AFF1: variants seen among roughly 807,000 people sequenced by gnomAD.
The protein encoded by AFF1 is AF4/FMR2 family member 1.
A neutral mutation model predicts 121.7 loss-of-function variants in AFF1; 48 were observed. The ratio of observed to expected loss-of-function variants is 0.39; its 90% CI spans 0.31 to 0.50. The LOEUF (loss-of-function observed/expected upper bound fraction) is 0.50, where lower values mean the gene tolerates loss of function less well. Ranked by LOEUF, AFF1 falls within the 20% of genes least tolerant of loss-of-function variation. The probability of loss-of-function intolerance (pLI) is 0.76; values close to 1 mark genes in which losing one functional copy is unlikely to be tolerated. For synonymous variants in AFF1, 613 were observed against 563.0 expected, an observed-to-expected ratio of 1.09 and a Z score of -1.26; for missense variants, 1,523 against 1,511.7, an observed-to-expected ratio of 1.01 and a Z score of -0.12.
chr4:87,075,449 C>T (rs1399948071), intron 4 of AFF1, among the ~76,000 whole-genome samples: 1 of 152,046 alleles, frequency 6.6e-6, no homozygotes, highest in Non-Finnish European at 1.5e-5. Flanking sequence ...ATTAAATGAA[C>T]TGGGGTGCCA....
Position 86,969,476 on chromosome 4 carries a change from C to T in AFF1, c.38+20905C>T, listed in dbSNP as rs181003276. Among the ~76,000 whole-genome samples, 169 of 151,180 alleles carry T rather than the reference C, an allele frequency of 1.1e-3. 1 individual carries two copies. The highest frequency in any genetic ancestry group is 2.0e-3 in the Non-Finnish European group (138 of 67,916). ...CCTGGGCAACAGAGCGAGCTTCCAT[C>T]TCAAAAACAGAACAAAACAAAAAAC... On this transcript the variant is annotated intron_variant, in intron 2 of 20. Coordinates refer to ENST00000395146, the MANE Select transcript of AFF1 (RefSeq NM_001166693.3).
intron 12 of AFF1, among the ~76,000 whole-genome samples, chr4:87,115,857 C>CGCCTCT (rs769763323): frequency 6.6e-6 from 1 of 151,972 alleles, no homozygotes; most frequent in Non-Finnish European, 1.5e-5. Flanking sequence ...GTTATCCACC[C>CGCCTCT]GCCTCTGCCT....
At chr4:86,962,990 A>G (rs538176672) in intron 2 of AFF1, among the ~76,000 whole-genome samples, 5 of 152,126 alleles carry the variant, frequency 3.3e-5, no homozygotes, top group Admixed American at 2.6e-4. Flanking sequence ...ACATGGTGAA[A>G]CATCATCTCT....
At chr4:86,938,949 G>A (rs1720251577) in intron 1 of AFF1, among the ~76,000 whole-genome samples, 1 of 152,224 alleles carries the variant, frequency 6.6e-6, no homozygotes, top group Admixed American at 6.5e-5. Context: ...TCTTGCTAGA[G>A]TGACTTTTTC....
chr4:87,030,808 T>C (rs1438880665), intron 2 of AFF1, among the ~76,000 whole-genome samples: 2 of 152,170 alleles, frequency 1.3e-5, no homozygotes, highest in African/African-American at 4.8e-5. Context: ...GTCCTGGTAC[T>C]CTGTGCAGAC....
intron 2 of AFF1, among the ~76,000 whole-genome samples, chr4:87,013,334 C>G (rs1177129828): frequency 6.6e-6 from 1 of 152,134 alleles, no homozygotes; most frequent in Non-Finnish European, 1.5e-5. Context: ...GCCACCCTGT[C>G]CGGCTGAACT....
intron 2 of AFF1, among the ~76,000 whole-genome samples, chr4:87,027,185 T>G (rs967863387): frequency 9.8e-5 from 15 of 152,322 alleles, no homozygotes; most frequent in South Asian, 6.2e-4. Context: ...ACTTCCCAGG[T>G]GGGAATCTGA....
intron 4 of AFF1, among the ~76,000 whole-genome samples, chr4:87,067,544 A>G (rs1721482756): frequency 6.6e-6 from 1 of 152,190 alleles, no homozygotes; most frequent in Non-Finnish European, 1.5e-5. Flanking sequence ...CAAGATTACA[A>G]ATTCATGCAT....
intron 2 of AFF1, among the ~76,000 whole-genome samples, chr4:87,027,909 C>T (rs1277057131): frequency 6.6e-6 from 1 of 151,082 alleles, no homozygotes; most frequent in African/African-American, 2.4e-5. Context: ...ATTCTCCTGC[C>T]TCAGCCTCCC....
At chr4:87,131,317 A>G in intron 17 of AFF1, 98 bp downstream of exon 17, 4 of 1,474,832 alleles carry the variant, frequency 2.7e-6, no homozygotes, top group Non-Finnish European at 3.7e-6. Flanking sequence ...ATGGCTCAAT[A>G]AAGGGGAGCC....
At chr4:87,067,496 G>A (rs1012095630) in intron 4 of AFF1, among the ~76,000 whole-genome samples, 2 of 152,214 alleles carry the variant, frequency 1.3e-5, no homozygotes, top group Non-Finnish European at 2.9e-5. Flanking sequence ...ACAGTGAGAA[G>A]TGGATTCTAG....
chr4:87,007,545 C>A, intron 2 of AFF1: 1 of 1,324,164 alleles, frequency 7.6e-7, no homozygotes, highest in Non-Finnish European at 1.1e-6. Context: ...ATTGCCTTCT[C>A]ATCATTCCCG....
chr4:87,012,224 T>A lies in AFF1; in HGVS notation c.39-33942T>A, dbSNP rs556887628. Reference sequence around the variant, plus strand: ...AACTTCTCCATTTCATTTCTTGTTTTTTTTTTTTTTTGTATAACTATACAT... The same window carrying A: ...AACTTCTCCATTTCATTTCTTGTTTATTTTTTTTTTTGTATAACTATACAT... On this transcript the variant is annotated intron_variant, in intron 2 of 20. Transcript: ENST00000395146. Among the ~76,000 whole-genome samples, 578 of 128,526 alleles carry A rather than the reference T, an allele frequency of 4.5e-3. 11 individuals are homozygous for A. The highest frequency in any genetic ancestry group is 0.016 in the African/African-American group (542 of 33,586). The allele number at this position is 128,526 out of a possible 152,430, so 84.3% of individuals were successfully genotyped here. A position where few individuals can be genotyped will look rare whatever the true frequency, so the allele number is the denominator to read the frequency against.
chr4:87,018,736 AT>A, intron 2 of AFF1, among the ~76,000 whole-genome samples: 1 of 152,254 alleles, frequency 6.6e-6, no homozygotes, highest in East Asian at 1.9e-4. Flanking sequence ...ATTTATTTTA[AT>A]AAAGGCAAAG....
At chr4:87,068,257 G>GCCCCCCCCC (rs70957204) in intron 4 of AFF1, among the ~76,000 whole-genome samples, 16 of 120,128 alleles carry the variant, frequency 1.3e-4, no homozygotes, top group Admixed American at 2.6e-4. Flanking sequence ...CATGAAAATT[G>GCCCCCCCCC]CCCCCCCCCC....
chr4:87,099,824 A>C (rs1725245071), intron 8 of AFF1, among the ~76,000 whole-genome samples: 1 of 152,248 alleles, frequency 6.6e-6, no homozygotes, highest in South Asian at 2.1e-4. Context: ...GGGATGTGAC[A>C]GTGACAGGGT....
chr4:87,054,146 G>C (rs1369670192), intron 4 of AFF1, among the ~76,000 whole-genome samples: 1 of 152,216 alleles, frequency 6.6e-6, no homozygotes, highest in African/African-American at 2.4e-5. Flanking sequence ...AATCACCTGG[G>C]AAGCCTGATA....
chr4:87,077,227 G>A (rs952532362), intron 4 of AFF1, among the ~76,000 whole-genome samples: 2 of 152,174 alleles, frequency 1.3e-5, no homozygotes, highest in African/African-American at 4.8e-5. Flanking sequence ...ACTGGGCCAG[G>A]CCTTCAGAGC....
rs1381304245 is a variant in AFF1 at position 87,141,001 on chromosome 4, T to TA, written c.*5307dup. The TA allele has an allele frequency of 5.6e-6, 1 of 178,820 alleles. No individual in the cohort carries two copies. The highest frequency in any genetic ancestry group is 9.3e-5 in the East Asian group (1 of 10,706). 11.1% of individuals were successfully genotyped at this position (178,820 alleles called of 1,614,324 possible). On this transcript the variant is annotated 3_prime_UTR_variant, in exon 21 of 21. Coordinates refer to ENST00000395146, the MANE Select transcript of AFF1 (RefSeq NM_001166693.3). ...TCCTTTTCATAAGAGGATCAAGCTG[T>TA]AAAAAAACAAAAAAATTAATAAAAA...
Sources: allele counts gnomAD v4.1 joint callset (sites outside exome capture counted in the v4.1 genomes callset), GRCh38; gene constraint gnomAD v4.1.1; transcripts MANE v1.5; gene names NCBI Gene and HGNC (gene_info 2026-07-23, HGNC 2026-07-21).